AASDH: variants seen among roughly 807,000 people sequenced by gnomAD.
AASDH encodes aminoadipate-semialdehyde dehydrogenase, also known as beta-alanine-activating enzyme.
AASDH carries 81 observed loss-of-function variants against 102.3 expected under a neutral mutation model. That is an observed-to-expected ratio of 0.79 (90% CI 0.66 to 0.95). The LOEUF (loss-of-function observed/expected upper bound fraction) is 0.95, where lower values mean the gene tolerates loss of function less well. AASDH is among the 40% of genes least tolerant of loss of function. AASDH has a pLI of 0.00. For synonymous variants in AASDH, 398 were observed against 454.0 expected (o/e 0.88, Z 1.57); for missense variants, 1,203 against 1,266.2 (o/e 0.95, Z 0.76).
rs556185242 is a variant in AASDH, at chr4:56,370,828, A to G, written c.861+623T>C. On this transcript the variant is annotated intron_variant, in intron 5 of 14. Coordinates refer to ENST00000205214, the MANE Select transcript of AASDH (RefSeq NM_181806.4). ...TTTACAGATAAAACCTGAGGCTCAC[A>G]GCAGTTAAACATTTAACTAAGATAT... is the stretch of plus-strand genomic sequence containing the variant. 2.6e-5 allele frequency among the ~76,000 whole-genome samples: 4 copies of G among 152,354 alleles called. No individual in the cohort carries two copies. The East Asian group carries it at 7.7e-4, about 29-fold the overall frequency.
chr4:56,361,359 A>T (rs552380323), intron 5 of AASDH, among the ~76,000 whole-genome samples: 1 of 152,236 alleles, frequency 6.6e-6, no homozygotes, highest in African/African-American at 2.4e-5. Context: ...CGGTGAGCTG[A>T]GATCACACCA....
At chr4:56,376,019 C>CTT (rs67950154) in intron 4 of AASDH, among the ~76,000 whole-genome samples, 8,476 of 106,632 alleles carry the variant, frequency 0.079, 527 homozygotes, top group East Asian at 0.21. Flanking sequence ...AACCGCTCAT[C>CTT]TTTTTTTTTT....
intron 7 of AASDH, 69 bp from the exon 8 acceptor site, chr4:56,354,280 A>G: frequency 7.3e-7 from 1 of 1,374,348 alleles, no homozygotes; most frequent in East Asian, 2.5e-5. Context: ...TAAAATCAAC[A>G]TCTCCAAAAG....
chr4:56,381,305 T>C (rs989419496), intron 3 of AASDH, among the ~76,000 whole-genome samples: 1 of 152,160 alleles, frequency 6.6e-6, no homozygotes, highest in Admixed American at 6.5e-5. Flanking sequence ...GTGTGGTGGC[T>C]CATGCCTGTA....
intron 5 of AASDH, among the ~76,000 whole-genome samples, chr4:56,366,190 T>C (rs1340597263): frequency 1.3e-5 from 2 of 152,202 alleles, no homozygotes; most frequent in Non-Finnish European, 2.9e-5. Flanking sequence ...AATCTCTGTA[T>C]AGACCAATAA....
intron 11 of AASDH, among the ~76,000 whole-genome samples, chr4:56,347,245 A>T (rs1748433714): frequency 6.6e-6 from 1 of 152,190 alleles, no homozygotes; most frequent in Admixed American, 6.6e-5. Context: ...TCACTTTGGG[A>T]AACAATTCAG....
intron 3 of AASDH, among the ~76,000 whole-genome samples, chr4:56,380,893 C>A (rs1053402522): frequency 6.6e-6 from 1 of 152,160 alleles, no homozygotes; most frequent in Non-Finnish European, 1.5e-5. Flanking sequence ...TGCCAATTGT[C>A]CCCAGTTGAG....
Position 56,343,369 on chromosome 4 carries a change from T to C in AASDH, c.2775+193A>G, listed in dbSNP as rs57924965. ...AAACAAACAAACAAAAAAATACATA[T>C]ATATATATATACAGGAATTTAAATT... On this transcript the variant is annotated intron_variant, in intron 13 of 14. Coordinates refer to ENST00000205214, the MANE Select transcript of AASDH (RefSeq NM_181806.4). 9.8e-4 allele frequency among the ~76,000 whole-genome samples: 18 copies of C among 18,368 alleles called. No homozygotes were observed. Among genetic ancestry groups the C allele is most frequent in the Non-Finnish European group, 1.4e-3 (11 of 7,914 alleles). The allele number at this position is 18,368 out of a possible 152,430, so 12.1% of individuals were successfully genotyped here. A position where few individuals can be genotyped will look rare whatever the true frequency, so the allele number is the denominator to read the frequency against.
chr4:56,364,194 G>T (rs557257735), intron 5 of AASDH, among the ~76,000 whole-genome samples: 97 of 152,274 alleles, frequency 6.4e-4, no homozygotes, highest in African/African-American at 2.2e-3. Context: ...AATGAACAAA[G>T]CCTCCAAGAA....
At position 56,349,522 on chromosome 4, in the gene AASDH, C is replaced by T; in HGVS notation, c.2229G>A (p.Glu743=). 6.2e-7 allele frequency: 1 copy of T among 1,614,204 alleles called. No homozygotes were observed. Among genetic ancestry groups the T allele is most frequent in the Non-Finnish European group, 8.5e-7 (1 of 1,180,020 alleles). The change falls in exon 11 of 15, where the codon GAG becomes GAA. Residue 743 remains glutamate (E), a synonymous_variant. Coordinates refer to ENST00000205214, the MANE Select transcript of AASDH (RefSeq NM_181806.4). ...DPSCVAKVSE[E]GKPAIGTQKM... is the part of the protein sequence containing the mutation. ...TCTGAGTCCCTATCGCAGGTTTCCC[C>T]TCTTCAGAAACTTTTGCAACACAGG... is the stretch of plus-strand genomic sequence containing the variant.
At position 56,354,114 on chromosome 4, in the gene AASDH, C is replaced by T; in HGVS notation, c.1308G>A (p.Glu436=). ...TGDFVTVKDG[E]IFFLGRKDSQ... ...TGTCTTTTCGTCCCAAAAAAAAAAT[C>T]TCTCCATCTTTCACAGTCACAAAGT... Residue 436 remains glutamate (E), a synonymous_variant, in exon 8 of 15, where the codon GAG becomes GAA. Coordinates refer to ENST00000205214, the MANE Select transcript of AASDH (RefSeq NM_181806.4). The T allele has an allele frequency of 6.2e-7, 1 of 1,613,100 alleles. No homozygotes were observed. The highest frequency in any genetic ancestry group is 1.3e-5 in the African/African-American group (1 of 74,990).
intron 14 of AASDH, among the ~76,000 whole-genome samples, chr4:56,340,968 A>G (rs1050784149): frequency 9.9e-5 from 15 of 152,230 alleles, no homozygotes; most frequent in African/African-American, 3.1e-4. Context: ...CCACAATGAG[A>G]TATCATCTTA....
intron 8 of AASDH, 99 bp downstream of exon 8, chr4:56,353,940 T>G: frequency 9.1e-7 from 1 of 1,103,616 alleles, no homozygotes; most frequent in Non-Finnish European, 1.2e-6. Flanking sequence ...CACAAAAATG[T>G]CAGGTGTAAA....
chr4:56,358,323 A>G (rs766298212), intron 5 of AASDH, among the ~76,000 whole-genome samples: 2 of 151,596 alleles, frequency 1.3e-5, no homozygotes, highest in East Asian at 1.9e-4. Flanking sequence ...CTCCTGTCCA[A>G]TGTAAGTATC....
intron 4 of AASDH, 58 bp from the exon 5 acceptor site, chr4:56,371,701 C>A: frequency 6.9e-7 from 1 of 1,445,832 alleles, no homozygotes; most frequent in South Asian, 1.4e-5. Context: ...AGCACATATC[C>A]TAAAAGAGTG....
chr4:56,349,636 G>A lies in AASDH; in HGVS notation c.2115C>T (p.Ala705=). ...TCTGTGAAACTGAGTCAGAAGGACAGGCTGAAGAGCAATGTCCTAACTTTG... is the reference window on the plus strand; with the variant it reads ...TCTGTGAAACTGAGTCAGAAGGACAAGCTGAAGAGCAATGTCCTAACTTTG... The part of the protein sequence containing the change: ...FLTKLGHCSS[A]CPSDSVSQTN... Residue 705 remains alanine (A), a synonymous_variant, in exon 11 of 15, where the codon GCC becomes GCT. Transcript: ENST00000205214. 6.2e-7 allele frequency: 1 copy of A among 1,614,234 alleles called. No homozygotes were observed. The highest frequency in any genetic ancestry group is 8.5e-7 in the Non-Finnish European group (1 of 1,180,040).
intron 1 of AASDH, among the ~76,000 whole-genome samples, chr4:56,385,658 C>T (rs549365655): frequency 6.6e-6 from 1 of 152,284 alleles, no homozygotes; most frequent in African/African-American, 2.4e-5. Context: ...AATGCAATGG[C>T]GTGATCTCGG....
In AASDH at chr4:56,349,410, A is replaced by T; in HGVS notation, c.2341T>A (p.Ser781Thr). 3 of 1,614,188 alleles carry T rather than the reference A, an allele frequency of 1.9e-6. No individual in the cohort carries two copies. Among genetic ancestry groups the T allele is most frequent in the Non-Finnish European group, 2.5e-6 (3 of 1,180,042 alleles). The stretch of plus-strand genomic sequence containing the variant: ...GAACCAATGTACACAGTTGTAGATG[A>T]CTTATCAAAAGTGGGTATTACAACC... The part of the protein sequence containing the change: ...PLVVIPTFDK[S>T]STTVYIGSHS... Residue 781 changes from serine (S) to threonine (T), a missense_variant, in exon 11 of 15, where the codon TCA (serine) becomes ACA (threonine). Physicochemically the swap from Ser to Thr is moderately conservative, Grantham distance 58. Coordinates refer to ENST00000205214, the MANE Select transcript of AASDH (RefSeq NM_181806.4).
At chr4:56,382,890 A>G (rs1217885803) in intron 2 of AASDH, among the ~76,000 whole-genome samples, 1 of 152,132 alleles carries the variant, frequency 6.6e-6, no homozygotes, top group Non-Finnish European at 1.5e-5. Flanking sequence ...ACCAACATGG[A>G]GAAACCCTGT....
Sources: gnomAD v4.1 joint callset for allele counts (sites outside exome capture counted in the v4.1 genomes callset) on GRCh38, gnomAD v4.1.1 for gene constraint, MANE v1.5 for transcripts, NCBI Gene and HGNC (gene_info 2026-07-23, HGNC 2026-07-21) for gene names.